LDLRAD3: variants seen among roughly 807,000 people sequenced by gnomAD.
LDLRAD3 encodes low density lipoprotein receptor class A domain containing 3, also known as low-density lipoprotein receptor class A domain-containing protein 3.
LDLRAD3 carries 20 observed loss-of-function variants against 29.4 expected under a neutral mutation model. That is an observed-to-expected ratio of 0.68 (90% CI 0.48 to 0.99). The LOEUF (loss-of-function observed/expected upper bound fraction) is 0.99, where lower values mean the gene tolerates loss of function less well. LDLRAD3 is among the 50% of genes least tolerant of loss of function. The pLI, the probability that LDLRAD3 is intolerant of heterozygous loss-of-function variation, is 0.00. For synonymous variants in LDLRAD3, 157 were observed against 192.7 expected, an observed-to-expected ratio of 0.81 and a Z score of 1.53; for missense variants, 420 against 454.3, an observed-to-expected ratio of 0.92 and a Z score of 0.69.
At chr11:36,050,612 G>A (rs1251678492) in intron 2 of LDLRAD3, among the ~76,000 whole-genome samples, 1 of 152,164 alleles carries the variant, frequency 6.6e-6, no homozygotes, top group African/African-American at 2.4e-5. Flanking sequence ...TGACAGTGCT[G>A]GCTGCCTTGA....
intron 4 of LDLRAD3, among the ~76,000 whole-genome samples, chr11:36,112,301 A>G (rs899815095): frequency 3.9e-5 from 6 of 152,202 alleles, no homozygotes; most frequent in Non-Finnish European, 8.8e-5. Flanking sequence ...GAGCTGCTTC[A>G]TTCTAGTAGC....
At chr11:36,062,036 T>C (rs1309710786) in intron 2 of LDLRAD3, among the ~76,000 whole-genome samples, 1 of 151,994 alleles carries the variant, frequency 6.6e-6, no homozygotes, top group African/African-American at 2.4e-5. Flanking sequence ...ACAGGCATCT[T>C]CTCATTTAAT....
intron 1 of LDLRAD3, among the ~76,000 whole-genome samples, chr11:36,005,880 G>A (rs1328550987): frequency 6.6e-6 from 1 of 152,090 alleles, no homozygotes; most frequent in Non-Finnish European, 1.5e-5. Context: ...CGCGAAGGGG[G>A]AAGTGCCACA....
chr11:36,090,722 G>A (rs975122307), intron 3 of LDLRAD3, among the ~76,000 whole-genome samples: 9 of 152,182 alleles, frequency 5.9e-5, no homozygotes, highest in Admixed American at 5.2e-4. Flanking sequence ...CAAGACTGAA[G>A]TATTTTTGCC....
intron 4 of LDLRAD3, among the ~76,000 whole-genome samples, chr11:36,152,208 G>A (rs753046304): frequency 2.6e-5 from 4 of 152,112 alleles, no homozygotes; most frequent in Admixed American, 6.5e-5. Flanking sequence ...TGTGATACAC[G>A]TGCTCCTGAA....
At chr11:36,037,742 G>A (rs557011221) in intron 2 of LDLRAD3, among the ~76,000 whole-genome samples, 47 of 152,208 alleles carry the variant, frequency 3.1e-4, no homozygotes, top group African/African-American at 1.1e-3. Flanking sequence ...CTGGTCCTTC[G>A]CCCATCCAAG....
intron 1 of LDLRAD3, among the ~76,000 whole-genome samples, chr11:36,019,020 T>G (rs1210840606): frequency 1.3e-5 from 2 of 152,210 alleles, no homozygotes; most frequent in East Asian, 3.8e-4. Flanking sequence ...GCTATAAAAC[T>G]CTATAAAAGA....
chr11:36,131,850 G>A (rs1001092250), intron 4 of LDLRAD3, among the ~76,000 whole-genome samples: 1 of 152,180 alleles, frequency 6.6e-6, no homozygotes, highest in African/African-American at 2.4e-5. Flanking sequence ...CTGGGGCCTG[G>A]GGTGGGCTGG....
chr11:35,969,686 G>A (rs957822266), intron 1 of LDLRAD3, among the ~76,000 whole-genome samples: 5 of 152,310 alleles, frequency 3.3e-5, no homozygotes, highest in African/African-American at 9.6e-5. Context: ...GGAAGGCTTT[G>A]CTGAGCTGGA....
At chr11:36,032,337 G>A (rs943545596) in intron 1 of LDLRAD3, among the ~76,000 whole-genome samples, 19 of 152,140 alleles carry the variant, frequency 1.2e-4, no homozygotes, top group Admixed American at 1.0e-3. Context: ...GAGATGGTTC[G>A]AAATGAATAT....
At chr11:36,190,803 G>T (rs547589534) in intron 4 of LDLRAD3, among the ~76,000 whole-genome samples, 1 of 152,246 alleles carries the variant, frequency 6.6e-6, no homozygotes, top group African/African-American at 2.4e-5. Context: ...GCAAAAAGAA[G>T]ATCCTACAAG....
At chr11:36,158,577 T>C (rs948285909) in intron 4 of LDLRAD3, among the ~76,000 whole-genome samples, 10 of 138,216 alleles carry the variant, frequency 7.2e-5, no homozygotes, top group Non-Finnish European at 1.2e-4. Flanking sequence ...CCAAACAATA[T>C]ACCCTATAAC....
chr11:36,226,597 A>G (rs902231986), intron 4 of LDLRAD3, among the ~76,000 whole-genome samples: 1 of 152,142 alleles, frequency 6.6e-6, no homozygotes, highest in Non-Finnish European at 1.5e-5. Flanking sequence ...GCGGGGGGGA[A>G]ATTTACCAAT....
chr11:36,087,156 A>G (rs889813691), intron 3 of LDLRAD3, among the ~76,000 whole-genome samples: 9 of 152,206 alleles, frequency 5.9e-5, no homozygotes, highest in African/African-American at 2.2e-4. Context: ...AAACAGAGGA[A>G]AAGGGAACTT....
intron 1 of LDLRAD3, among the ~76,000 whole-genome samples, chr11:35,977,482 C>T (rs1463725581): frequency 6.6e-6 from 1 of 151,980 alleles, no homozygotes; most frequent in African/African-American, 2.4e-5. Flanking sequence ...GGGAAGAGGA[C>T]CAAATTCCAG....
intron 1 of LDLRAD3, among the ~76,000 whole-genome samples, chr11:35,975,068 G>C (rs116568866): frequency 0.021 from 3,148 of 152,182 alleles, 111 homozygotes; most frequent in African/African-American, 0.069. Flanking sequence ...ACTTCATTTC[G>C]TAAGACCCTT....
At chr11:36,116,181 G>A (rs1279973545) in intron 4 of LDLRAD3, among the ~76,000 whole-genome samples, 1 of 152,180 alleles carries the variant, frequency 6.6e-6, no homozygotes, top group East Asian at 1.9e-4. Flanking sequence ...TATATAACCA[G>A]CAACCATCAG....
In LDLRAD3 at chr11:36,220,946, G is replaced by GA. The variant is rs1046637351; in HGVS notation, c.455-6131dup. Among the ~76,000 whole-genome samples the GA allele has an allele frequency of 4.0e-5, 6 of 151,706 alleles. 1 individual carries two copies. Among genetic ancestry groups the GA allele is most frequent in the Admixed American group, 1.3e-4 (2 of 15,226 alleles). ...ATATAATCTGGAGGAAGAACAAACT[G>GA]AAAAAAAATACTTCTAAAAAAATTG... On this transcript the variant is annotated intron_variant, in intron 4 of 5. Transcript: ENST00000315571.
chr11:36,139,074 C>T (rs1273447155), intron 4 of LDLRAD3, among the ~76,000 whole-genome samples: 1 of 152,232 alleles, frequency 6.6e-6, no homozygotes, highest in Non-Finnish European at 1.5e-5. Context: ...CTGGAATGCT[C>T]TTCTCTCTTT....
Sources: gnomAD v4.1 joint callset for allele counts (sites outside exome capture counted in the v4.1 genomes callset) on GRCh38, gnomAD v4.1.1 for gene constraint, MANE v1.5 for transcripts, NCBI Gene and HGNC (gene_info 2026-07-23, HGNC 2026-07-21) for gene names.